The following PI4K2A variants were observed in gnomAD, a reference collection of about 807,000 sequenced individuals.
PI4K2A encodes phosphatidylinositol 4-kinase type 2-alpha.
Under a neutral mutation model 55.0 loss-of-function variants are expected in PI4K2A, and 20 were observed. That is an observed-to-expected ratio of 0.36 (90% CI 0.26 to 0.53). The LOEUF (loss-of-function observed/expected upper bound fraction) is 0.53. Ranked by LOEUF, PI4K2A falls within the 20% of genes least tolerant of loss-of-function variation. The probability of loss-of-function intolerance (pLI) is 0.91; values close to 1 mark genes in which losing one functional copy is unlikely to be tolerated. For synonymous variants in PI4K2A, 235 were observed against 258.5 expected (o/e 0.91, Z 0.87); for missense variants, 463 against 637.1 (o/e 0.73, Z 2.94).
At chr10:97,672,450 G>T (rs1464293806) in intron 8 of PI4K2A, among the ~76,000 whole-genome samples, 1 of 152,142 alleles carries the variant, frequency 6.6e-6, no homozygotes, top group Non-Finnish European at 1.5e-5. Flanking sequence ...TAAAAGTGGG[G>T]TCACAATCTA....
intron 1 of PI4K2A, among the ~76,000 whole-genome samples, chr10:97,647,150 T>A (rs1358216772): frequency 1.3e-5 from 2 of 152,166 alleles, no homozygotes; most frequent in Non-Finnish European, 2.9e-5. Flanking sequence ...TTGTGTGATT[T>A]GGTTTTTATT....
chr10:97,659,892 C>G (rs913311889), intron 4 of PI4K2A, among the ~76,000 whole-genome samples: 1 of 152,064 alleles, frequency 6.6e-6, no homozygotes, highest in African/African-American at 2.4e-5. Flanking sequence ...CGTGGGGAGA[C>G]AGATTTCTGT....
chr10:97,662,309 G>C (rs915716250), intron 4 of PI4K2A, among the ~76,000 whole-genome samples: 2 of 152,086 alleles, frequency 1.3e-5, no homozygotes, highest in African/African-American at 4.8e-5. Context: ...TTGTGTACCT[G>C]GTTGTTTTTC....
At position 97,666,681 on chromosome 10, in the gene PI4K2A, C is replaced by T. The variant is rs2041611131; in HGVS notation, c.1218+110C>T. Reference sequence around the variant, plus strand: ...GAGGAAATGGCTAACACCTTTCTGACTTGAGTTAGCCAACGAATAGCAAGA... The same window carrying T: ...GAGGAAATGGCTAACACCTTTCTGATTTGAGTTAGCCAACGAATAGCAAGA... On this transcript the variant is annotated intron_variant, in intron 7 of 8. Transcript: ENST00000370631. 1.4e-5 allele frequency: 13 copies of T among 917,034 alleles called. No individual in the cohort carries two copies. The South Asian group carries it at 2.2e-4, about 16-fold the overall frequency. The allele number at this position is 917,034 out of a possible 1,614,324, so 56.8% of individuals were successfully genotyped here.
At chr10:97,642,378 T>A in intron 1 of PI4K2A, among the ~76,000 whole-genome samples, 1 of 150,250 alleles carries the variant, frequency 6.7e-6, no homozygotes, top group East Asian at 1.9e-4. Context: ...GAGTAATAAG[T>A]CTTTCGAAGT....
At chr10:97,659,488 A>G (rs781337443) in intron 4 of PI4K2A, among the ~76,000 whole-genome samples, 2 of 149,858 alleles carry the variant, frequency 1.3e-5, no homozygotes, top group Non-Finnish European at 3.0e-5. Flanking sequence ...TTTTTTTCCA[A>G]TTTGGGTGCT....
At chr10:97,661,153 G>A (rs1426619604) in intron 4 of PI4K2A, among the ~76,000 whole-genome samples, 5 of 151,792 alleles carry the variant, frequency 3.3e-5, no homozygotes, top group South Asian at 2.1e-4. Context: ...CACCACACCC[G>A]GCTAATTTTT....
At chr10:97,641,173 A>G in exon 1 of PI4K2A, 1 of 1,599,818 alleles carries the variant, frequency 6.3e-7, no homozygotes. Flanking sequence ...AAGGACCCTC[A>G]GGGGGTGAGT....
chr10:97,670,083 A>G (rs961234127), intron 8 of PI4K2A, among the ~76,000 whole-genome samples: 18 of 151,844 alleles, frequency 1.2e-4, no homozygotes, highest in African/African-American at 4.1e-4. Flanking sequence ...ATTTTTTTTA[A>G]GAGGTGGGGT....
exon 9 of PI4K2A, chr10:97,676,233 AT>A (rs1022986330): frequency 9.2e-5 from 14 of 152,104 alleles, no homozygotes; most frequent in Admixed American, 1.3e-4. Context: ...AACCAAAAGT[AT>A]TTTCATAACC....
intron 8 of PI4K2A, among the ~76,000 whole-genome samples, chr10:97,667,532 C>T (rs12219065): frequency 0.16 from 24,490 of 152,106 alleles, 2,250 homozygotes; most frequent in South Asian, 0.34. Context: ...TTTTTTAAGT[C>T]CGTTGTGTAC....
At chr10:97,654,622 T>C (rs944160791) in intron 2 of PI4K2A, among the ~76,000 whole-genome samples, 1 of 152,228 alleles carries the variant, frequency 6.6e-6, no homozygotes, top group Non-Finnish European at 1.5e-5. Context: ...TTAATAAATA[T>C]TTAATGAGCA....
chr10:97,642,588 A>G (rs1344487874), intron 1 of PI4K2A, among the ~76,000 whole-genome samples: 1 of 151,410 alleles, frequency 6.6e-6, no homozygotes, highest in Non-Finnish European at 1.5e-5. Context: ...TTTAGTAGAG[A>G]CCATGTTGGC....
At chr10:97,655,134 C>T (rs2041546610) in intron 2 of PI4K2A, among the ~76,000 whole-genome samples, 1 of 152,066 alleles carries the variant, frequency 6.6e-6, no homozygotes, top group Admixed American at 6.5e-5. Flanking sequence ...CTTTGGGAGG[C>T]CGAGGTAGGA....
intron 8 of PI4K2A, among the ~76,000 whole-genome samples, chr10:97,668,037 C>T (rs2041618023): frequency 1.3e-5 from 2 of 152,188 alleles, no homozygotes; most frequent in Admixed American, 6.6e-5. Context: ...GATTGTTGAT[C>T]TTCCAAAGCA....
At chr10:97,642,325 T>C (rs2041473852) in intron 1 of PI4K2A, among the ~76,000 whole-genome samples, 1 of 152,094 alleles carries the variant, frequency 6.6e-6, no homozygotes, top group Non-Finnish European at 1.5e-5. Context: ...TGCCATGAAC[T>C]CAGTTTCTCA....
At chr10:97,657,698 T>G (rs1445973240) in intron 4 of PI4K2A, among the ~76,000 whole-genome samples, 1 of 151,664 alleles carries the variant, frequency 6.6e-6, no homozygotes, top group African/African-American at 2.4e-5. Context: ...TAAAGTCACC[T>G]TATTGGAGCT....
intron 4 of PI4K2A, among the ~76,000 whole-genome samples, chr10:97,660,933 ATT>A (rs36016508): frequency 1.4e-5 from 2 of 146,442 alleles, no homozygotes; most frequent in Non-Finnish European, 1.5e-5. Context: ...TCCCTGCTGG[ATT>A]TTTTTTTTTT....
At position 97,666,602 on chromosome 10, in the gene PI4K2A, A is replaced by T. The variant is rs755464770; in HGVS notation, c.1218+31A>T. 5.7e-5 allele frequency: 89 copies of T among 1,562,798 alleles called. 1 individual carries two copies. The South Asian group carries it at 9.1e-4, about 16-fold the overall frequency. On this transcript the variant is annotated intron_variant, in intron 7 of 8. Coordinates refer to ENST00000370631, the Ensembl canonical transcript of PI4K2A. ...CCCTGGGAACCTCAGCCCTATTATC[A>T]TATGGGAGAAGGAATTTTTAATGGT...
Sources: gnomAD v4.1 joint callset for allele counts (sites outside exome capture counted in the v4.1 genomes callset) on GRCh38, gnomAD v4.1.1 for gene constraint, MANE v1.5 for transcripts, NCBI Gene and HGNC (gene_info 2026-07-23, HGNC 2026-07-21) for gene names.